Variants in COL25A1 observed in about 807,000 individuals in gnomAD.
COL25A1 encodes collagen type XXV alpha 1 chain.
A neutral mutation model predicts 128.4 loss-of-function variants in COL25A1; 103 were observed. The ratio of observed to expected loss-of-function variants is 0.80; its 90% confidence interval spans 0.68 to 0.94. COL25A1 has a LOEUF of 0.94. Ranked by LOEUF, COL25A1 falls within the 40% of genes least tolerant of loss-of-function variation. The pLI is 0.00. For synonymous variants in COL25A1, 279 were observed against 277.2 expected (o/e 1.01, Z -0.06); for missense variants, 745 against 840.0 (o/e 0.89, Z 1.40).
chr4:108,815,199 G>C (rs1162659238), intron 37 of COL25A1, among the ~76,000 whole-genome samples: 1 of 152,038 alleles, frequency 6.6e-6, no homozygotes, highest in Admixed American at 6.5e-5. Flanking sequence ...GCATGACCAA[G>C]AGGAGTTGGT....
intron 31 of COL25A1, chr4:108,838,191 G>C: frequency 6.5e-7 from 1 of 1,546,922 alleles, no homozygotes; most frequent in Non-Finnish European, 8.7e-7. Flanking sequence ...AAATGCAAAA[G>C]CAAATGCCAA....
intron 8 of COL25A1, among the ~76,000 whole-genome samples, chr4:108,957,972 A>G (rs1471670672): frequency 6.6e-6 from 1 of 152,174 alleles, no homozygotes. Flanking sequence ...ACTATAAGAA[A>G]AAAAATTCAG....
intron 3 of COL25A1, among the ~76,000 whole-genome samples, chr4:109,275,130 A>G (rs1206522347): frequency 1.3e-5 from 2 of 152,220 alleles, no homozygotes; most frequent in Non-Finnish European, 2.9e-5. Flanking sequence ...TGAAAAGAAC[A>G]GCAGCAATGA....
At chr4:108,971,336 A>T (rs1009075164) in intron 8 of COL25A1, among the ~76,000 whole-genome samples, 1 of 152,214 alleles carries the variant, frequency 6.6e-6, no homozygotes, top group African/African-American at 2.4e-5. Context: ...GACAGAGAAG[A>T]ACCTTGCTTT....
chr4:109,015,537 G>A lies in COL25A1; in HGVS notation c.421-5162C>T, dbSNP rs550008178. Among the ~76,000 whole-genome samples the A allele has an allele frequency of 3.9e-5, 6 of 152,222 alleles. No individual in the cohort carries two copies. In the South Asian group the frequency reaches 1.0e-3, roughly 26 times the overall value. On this transcript the variant is annotated intron_variant, in intron 5 of 37. Coordinates refer to ENST00000399132, the MANE Select transcript of COL25A1 (RefSeq NM_198721.4). ...GAAACAGTTAAGTCACAAACATACTGAAGTCAGGAAAATACATGAGAAAGT... is the reference window on the plus strand; with the variant it reads ...GAAACAGTTAAGTCACAAACATACTAAAGTCAGGAAAATACATGAGAAAGT...
chr4:109,262,388 C>A (rs1334860174), intron 3 of COL25A1, among the ~76,000 whole-genome samples: 1 of 151,548 alleles, frequency 6.6e-6, no homozygotes, highest in African/African-American at 2.4e-5. Context: ...GTGGCATGCA[C>A]CTGTAGTCCC....
chr4:108,835,861 CTTTTTTTTTTTTTTTTTTTT>C lies in COL25A1; in HGVS notation c.1657-3448_1657-3429del, dbSNP rs1158184110. On this transcript the variant is annotated intron_variant, in intron 31 of 37. Transcript: ENST00000399132. ...GCCACAGTGCCCGGCTTACATACGT[CTTTTTTTTTTTTTTTTTTTT>C]TTTTTTTTGAGACGGACTCTCGCTC... 7.9e-4 allele frequency among the ~76,000 whole-genome samples: 36 copies of C among 45,700 alleles called. 1 individual carries two copies. Among genetic ancestry groups the C allele is most frequent in the African/African-American group, 3.2e-3 (33 of 10,296 alleles). The allele number at this position is 45,700 out of a possible 152,430, so 30.0% of individuals were successfully genotyped here. A position where few individuals can be genotyped will look rare whatever the true frequency, so the allele number is the denominator to read the frequency against.
intron 19 of COL25A1, among the ~76,000 whole-genome samples, chr4:108,882,639 C>A (rs1421692135): frequency 6.6e-6 from 1 of 152,016 alleles, no homozygotes; most frequent in South Asian, 2.1e-4. Flanking sequence ...TATGAAACCA[C>A]CTATTAATTT....
At chr4:109,293,689 C>T (rs1724688781) in intron 3 of COL25A1, among the ~76,000 whole-genome samples, 1 of 152,050 alleles carries the variant, frequency 6.6e-6, no homozygotes, top group Admixed American at 6.6e-5. Context: ...ATAAGGTCTA[C>T]ATCTACTAAA....
intron 19 of COL25A1, among the ~76,000 whole-genome samples, chr4:108,879,606 C>G (rs1460622737): frequency 6.6e-6 from 1 of 151,956 alleles, no homozygotes; most frequent in Non-Finnish European, 1.5e-5. Flanking sequence ...CGCCACCACA[C>G]TCGGGTATTT....
At chr4:108,917,178 T>C (rs1316711117) in intron 13 of COL25A1, among the ~76,000 whole-genome samples, 1 of 152,192 alleles carries the variant, frequency 6.6e-6, no homozygotes, top group Non-Finnish European at 1.5e-5. Context: ...GGAAGACTCA[T>C]GCTCTTAGCA....
intron 3 of COL25A1, among the ~76,000 whole-genome samples, chr4:109,277,935 A>G (rs888013190): frequency 1.3e-5 from 2 of 152,144 alleles, no homozygotes; most frequent in Admixed American, 1.3e-4. Context: ...GGAGATCAAG[A>G]CCATCCTGGC....
chr4:108,974,106 T>G (rs1237888689), intron 8 of COL25A1, among the ~76,000 whole-genome samples: 1 of 152,238 alleles, frequency 6.6e-6, no homozygotes, highest in Admixed American at 6.5e-5. Context: ...TGCTATTGAT[T>G]CTTAGAAGTG....
At chr4:108,820,488 A>T (rs1272946774) in intron 35 of COL25A1, among the ~76,000 whole-genome samples, 1 of 152,240 alleles carries the variant, frequency 6.6e-6, no homozygotes, top group South Asian at 2.1e-4. Flanking sequence ...TATTTTTTAC[A>T]TCCTTTTGTT....
chr4:109,248,050 A>G (rs1262751253), intron 3 of COL25A1, among the ~76,000 whole-genome samples: 1 of 152,128 alleles, frequency 6.6e-6, no homozygotes, highest in Non-Finnish European at 1.5e-5. Context: ...GTATTGTCCC[A>G]CAGTCAAGAT....
At chr4:108,943,126 C>A (rs191036769) in intron 8 of COL25A1, among the ~76,000 whole-genome samples, 1 of 152,228 alleles carries the variant, frequency 6.6e-6, no homozygotes, top group Admixed American at 6.5e-5. Flanking sequence ...GGGGCAGGTA[C>A]AATGGGATCT....
intron 3 of COL25A1, among the ~76,000 whole-genome samples, chr4:109,277,912 G>A (rs929461771): frequency 6.6e-6 from 1 of 152,072 alleles, no homozygotes. Context: ...GAGGCAGGTG[G>A]ATCACCAGGT....
At chr4:108,842,555 G>T (rs1734571166) in intron 30 of COL25A1, among the ~76,000 whole-genome samples, 1 of 152,078 alleles carries the variant, frequency 6.6e-6, no homozygotes, top group Admixed American at 6.6e-5. Context: ...AAAACTGCAG[G>T]AAAAAGTTTT....
At chr4:109,227,612 A>ATTTTTTTTTTTTTTTTTTTTTTTTT (rs1171455842) in intron 3 of COL25A1, among the ~76,000 whole-genome samples, 5 of 151,982 alleles carry the variant, frequency 3.3e-5, no homozygotes, top group African/African-American at 9.7e-5. Flanking sequence ...TAGCTTTTAA[A>ATTTTTTTTTTTTTTTTTTTTTTTTT]TTTTTATCTT....
Sources: allele counts gnomAD v4.1 joint callset (sites outside exome capture counted in the v4.1 genomes callset), GRCh38; gene constraint gnomAD v4.1.1; transcripts MANE v1.5; gene names NCBI Gene and HGNC (gene_info 2026-07-23, HGNC 2026-07-21).